GIGYF2: variants seen among roughly 807,000 people sequenced by gnomAD.
GIGYF2 encodes GRB10-interacting GYF protein 2.
A neutral mutation model predicts 208.1 loss-of-function variants in GIGYF2; 25 were observed. The observed-to-expected ratio is 0.12, with a 90% CI of 0.09 to 0.17. The LOEUF is 0.17. GIGYF2 is among the 10% of genes least tolerant of loss of function. GIGYF2 has a pLI of 1.00. For missense variants in GIGYF2, 1,302 were observed against 1,579.4 expected, an observed-to-expected ratio of 0.82 and a Z score of 2.98; for synonymous variants, 534 against 543.8, an observed-to-expected ratio of 0.98 and a Z score of 0.25.
At chr2:232,748,888 C>G in intron 4 of GIGYF2, 99 bp from the exon 5 acceptor site, 1 of 756,708 alleles carries the variant, frequency 1.3e-6, no homozygotes, top group Non-Finnish European at 2.4e-6. Context: ...TAATAATCAA[C>G]AATAAATAGA....
Position 232,857,603 on chromosome 2 carries a change from C to T in GIGYF2, c.*743C>T, listed in dbSNP as rs1462462332. The T allele has an allele frequency of 6.6e-6, 1 of 152,628 alleles. No individual in the cohort carries two copies. The allele number at this position is 152,628 out of a possible 1,614,324, so 9.5% of individuals were successfully genotyped here. On this transcript the variant is annotated 3_prime_UTR_variant, in exon 29 of 29. Coordinates refer to ENST00000373563, the MANE Select transcript of GIGYF2 (RefSeq NM_001103146.3). ...CTCCAACCTGATTGGACAAAGGAAG[C>T]TCTATGGCCTGGGAGAGAGACTATT...
intron 8 of GIGYF2, chr2:232,768,077 C>T (rs1486208300): frequency 2.1e-5 from 21 of 1,005,646 alleles, no homozygotes; most frequent in African/African-American, 1.8e-4. Context: ...GCATGATTAC[C>T]GTGATGTAGA....
At chr2:232,784,347 C>T (rs566202796) in intron 8 of GIGYF2, among the ~76,000 whole-genome samples, 14 of 150,060 alleles carry the variant, frequency 9.3e-5, no homozygotes, top group Non-Finnish European at 1.5e-4. Context: ...AGTGTGGTGG[C>T]ATGTGCCTGA....
In GIGYF2 at chr2:232,836,316, A is replaced by ACT. The variant is rs1701617777; in HGVS notation, c.2766+3223_2766+3224insCT. Among the ~76,000 whole-genome samples the ACT allele has an allele frequency of 4.3e-4, 15 of 34,618 alleles. 2 individuals carry two copies. Among genetic ancestry groups the ACT allele is most frequent in the African/African-American group, 1.8e-3 (15 of 8,232 alleles). 22.7% of individuals were successfully genotyped at this position (34,618 alleles called of 152,430 possible). On this transcript the variant is annotated intron_variant, in intron 22 of 28. Coordinates refer to ENST00000373563, the MANE Select transcript of GIGYF2 (RefSeq NM_001103146.3). ...TATATATATATATATATATATATAT[A>ACT]TATATATATATATACATATATATAC...
chr2:232,845,401 A>G (rs568224708), intron 25 of GIGYF2, among the ~76,000 whole-genome samples: 1 of 152,342 alleles, frequency 6.6e-6, no homozygotes, highest in East Asian at 1.9e-4. Context: ...ATTACTTATG[A>G]TAACCCAAAA....
intron 15 of GIGYF2, among the ~76,000 whole-genome samples, chr2:232,807,357 G>C (rs996512605): frequency 1.3e-5 from 2 of 152,112 alleles, no homozygotes; most frequent in Non-Finnish European, 2.9e-5. Flanking sequence ...AGTGAGACCT[G>C]TCTCTACAAA....
At chr2:232,759,489 C>T (rs1698666112) in intron 6 of GIGYF2, among the ~76,000 whole-genome samples, 1 of 152,026 alleles carries the variant, frequency 6.6e-6, no homozygotes, top group Non-Finnish European at 1.5e-5. Flanking sequence ...GGATATATAG[C>T]CTTCTTGACC....
chr2:232,844,939 ATGAG>A (rs1701949803), intron 25 of GIGYF2, among the ~76,000 whole-genome samples: 3 of 152,350 alleles, frequency 2.0e-5, no homozygotes, highest in African/African-American at 7.2e-5. Context: ...TGCTATTAAT[ATGAG>A]TATTATAAAA....
At chr2:232,835,243 G>C (rs1433433587) in intron 22 of GIGYF2, among the ~76,000 whole-genome samples, 2 of 152,116 alleles carry the variant, frequency 1.3e-5, no homozygotes, top group African/African-American at 4.8e-5. Context: ...ATCCTCTGTT[G>C]ATGGGCAGTT....
chr2:232,738,291 T>C (rs756152170), intron 3 of GIGYF2, among the ~76,000 whole-genome samples: 4 of 152,248 alleles, frequency 2.6e-5, no homozygotes, highest in Non-Finnish European at 5.9e-5. Context: ...AAAAAGTATA[T>C]TGCATTATCA....
intron 8 of GIGYF2, among the ~76,000 whole-genome samples, chr2:232,781,565 T>A (rs1699724894): frequency 6.6e-6 from 1 of 151,202 alleles, no homozygotes; most frequent in South Asian, 2.1e-4. Flanking sequence ...GTCTTAACCA[T>A]TTTTTTTTCA....
chr2:232,815,781 G>A (rs760013627), intron 19 of GIGYF2, 44 bp downstream of exon 19: 34 of 995,424 alleles, frequency 3.4e-5, no homozygotes, highest in Admixed American at 7.0e-5. Context: ...TCATCTGGCT[G>A]CAGGACATAA....
chr2:232,775,578 A>G (rs936080637), intron 8 of GIGYF2, among the ~76,000 whole-genome samples: 1 of 152,164 alleles, frequency 6.6e-6, no homozygotes, highest in Non-Finnish European at 1.5e-5. Flanking sequence ...GTTTGCTTCT[A>G]TTGCTGTGTG....
At chr2:232,738,355 C>G (rs2344613) in intron 3 of GIGYF2, among the ~76,000 whole-genome samples, 109,412 of 152,088 alleles carry the variant, frequency 0.72, 40,075 homozygotes, top group East Asian at 0.88. Context: ...ATCCTGTCTA[C>G]ATATAAAGCA....
At chr2:232,794,637 C>A in intron 12 of GIGYF2, 111 bp from the exon 13 acceptor site, 2 of 825,506 alleles carry the variant, frequency 2.4e-6, no homozygotes. Context: ...CATGACAGGG[C>A]TCACGTTTTC....
At chr2:232,766,600 G>A (rs1463194854) in intron 8 of GIGYF2, 2 of 152,254 alleles carry the variant, frequency 1.3e-5, no homozygotes, top group Non-Finnish European at 2.9e-5. Flanking sequence ...TTCTACTTAA[G>A]AATGAATGTC....
intron 25 of GIGYF2, 78 bp downstream of exon 25, chr2:232,844,652 G>A (rs990647425): frequency 1.1e-6 from 1 of 926,306 alleles, no homozygotes. Context: ...TGTTGGGTGG[G>A]CAGGAAAAGG....
intron 21 of GIGYF2, among the ~76,000 whole-genome samples, chr2:232,822,474 A>G (rs1441358926): frequency 6.6e-6 from 1 of 152,232 alleles, no homozygotes; most frequent in African/African-American, 2.4e-5. Context: ...CGAAGTCAGG[A>G]GTTCGAGACC....
chr2:232,760,211 C>T, intron 6 of GIGYF2: 2 of 320,224 alleles, frequency 6.2e-6, no homozygotes, highest in Non-Finnish European at 1.2e-5. Flanking sequence ...CGTTAAAGAA[C>T]TTAAAGTTGA....
Sources: allele counts gnomAD v4.1 joint callset (sites outside exome capture counted in the v4.1 genomes callset), GRCh38; gene constraint gnomAD v4.1.1; transcripts MANE v1.5; gene names NCBI Gene and HGNC (gene_info 2026-07-23, HGNC 2026-07-21).